The following GRIK4 variants were observed in gnomAD, a reference collection of about 807,000 sequenced individuals.
GRIK4 encodes glutamate receptor ionotropic, kainate 4.
A neutral mutation model predicts 104.9 loss-of-function variants in GRIK4; 40 were observed. The observed-to-expected ratio is 0.38, with a 90% CI of 0.30 to 0.50. GRIK4 has a LOEUF of 0.50. GRIK4 is among the 20% of genes least tolerant of loss of function. The probability of loss-of-function intolerance (pLI) is 0.93; values close to 1 mark genes in which losing one functional copy is unlikely to be tolerated. For missense variants in GRIK4, 1,047 were observed against 1,308.1 expected (o/e 0.80, Z 3.08); for synonymous variants, 485 against 524.9 (o/e 0.92, Z 1.04).
Position 120,985,971 on chromosome 11 carries a change from C to A in GRIK4, c.2582C>A (p.Pro861His). The change falls in exon 21 of 21, where the codon CCC becomes CAC. Residue 861 changes from proline (P) to histidine (H), a missense_variant. Pro to His is a moderately conservative substitution (Grantham distance 77). Around this residue, in one of 3 missense-constraint regions of GRIK4, gnomAD observed 440 missense variants for 652.3 expected, o/e 0.67. Coordinates refer to ENST00000527524, the MANE Select transcript of GRIK4 (RefSeq NM_014619.5). ...SIILCQDSIH[P>H]RRRRAAVPPP... is the part of the protein sequence containing the mutation. Reference sequence around the variant, plus strand: ...ATCCTGTGTCAGGACAGTATCCACCCCCGCCGGCGGCGCGCCGCAGTCCCG... The same window carrying A: ...ATCCTGTGTCAGGACAGTATCCACCACCGCCGGCGGCGCGCCGCAGTCCCG... The A allele has an allele frequency of 1.3e-6, 2 of 1,536,652 alleles. No individual in the cohort carries two copies. The highest frequency in any genetic ancestry group is 1.8e-6 in the Non-Finnish European group (2 of 1,141,758).
intron 3 of GRIK4, among the ~76,000 whole-genome samples, chr11:120,696,092 A>G (rs1950444708): frequency 6.6e-6 from 1 of 152,134 alleles, no homozygotes; most frequent in African/African-American, 2.4e-5. Context: ...TGGAGTAGGG[A>G]CCCTGGGAGT....
intron 1 of GRIK4, among the ~76,000 whole-genome samples, chr11:120,558,052 G>A (rs1438821500): frequency 1.4e-5 from 2 of 146,722 alleles, no homozygotes; most frequent in African/African-American, 2.5e-5. Context: ...AGAAGTAATC[G>A]ACAGTGGTCC....
At chr11:120,963,161 T>C (rs987404487) in intron 18 of GRIK4, among the ~76,000 whole-genome samples, 6 of 152,218 alleles carry the variant, frequency 3.9e-5, no homozygotes, top group African/African-American at 1.4e-4. Flanking sequence ...ACGGCCATGA[T>C]TAGATGGAAT....
At chr11:120,617,480 A>G (rs1158520409) in intron 1 of GRIK4, among the ~76,000 whole-genome samples, 2 of 152,130 alleles carry the variant, frequency 1.3e-5, no homozygotes, top group African/African-American at 2.4e-5. Context: ...CGCAGGCCCA[A>G]GTGATCCTCC....
intron 1 of GRIK4, among the ~76,000 whole-genome samples, chr11:120,564,107 A>T (rs1043261324): frequency 9.2e-5 from 14 of 152,196 alleles, no homozygotes; most frequent in African/African-American, 2.6e-4. Context: ...TGGCCTGAGG[A>T]AGGGCCCGGG....
Position 120,836,735 on chromosome 11 carries a change from T to A in GRIK4, c.691-56T>A, listed in dbSNP as rs1226338684. 1.3e-5 allele frequency: 15 copies of A among 1,160,856 alleles called. No individual in the cohort carries two copies. The African/African-American group carries it at 2.3e-4, about 17-fold the overall frequency. The allele number at this position is 1,160,856 out of a possible 1,614,324, so 71.9% of individuals were successfully genotyped here. A position where few individuals can be genotyped will look rare whatever the true frequency, so the allele number is the denominator to read the frequency against. ...AGACACTTGGAACCCCTACTGCTCA[T>A]TTGCTTCAAGTGAGTTTTTGTTTTC... On this transcript the variant is annotated intron_variant, in intron 7 of 20. Transcript: ENST00000527524.
intron 13 of GRIK4, among the ~76,000 whole-genome samples, chr11:120,929,308 C>T (rs77543349): frequency 0.045 from 6,814 of 152,142 alleles, 505 homozygotes; most frequent in African/African-American, 0.15. Flanking sequence ...AGGCATGTGA[C>T]GCTGAAGTCT....
chr11:120,902,634 C>A lies in GRIK4; in HGVS notation c.1273-2656C>A, dbSNP rs117932101. Among the ~76,000 whole-genome samples the A allele has an allele frequency of 1.3e-5, 2 of 152,130 alleles. No homozygotes were observed. Among genetic ancestry groups the A allele is most frequent in the South Asian group, 4.1e-4 (2 of 4,822 alleles). ...CCAGGTAGGGGAACCAAGCAGGTGA[C>A]GAGTCTGTCCCAGGACCCACTCCCA... On this transcript the variant is annotated intron_variant, in intron 12 of 20. Transcript: ENST00000527524. The surrounding 1 kb of genome is among the most constrained non-coding windows in gnomAD (Gnocchi z 4.5).
intron 1 of GRIK4, among the ~76,000 whole-genome samples, chr11:120,587,285 G>GC (rs1948678586): frequency 6.6e-6 from 1 of 152,074 alleles, no homozygotes; most frequent in Non-Finnish European, 1.5e-5. Context: ...CCTGGGGAAG[G>GC]CACCGCGGCC....
intron 8 of GRIK4, 73 bp from the exon 9 acceptor site, chr11:120,861,886 G>A (rs993844794): frequency 2.6e-6 from 3 of 1,147,810 alleles, no homozygotes; most frequent in Non-Finnish European, 3.9e-6. Flanking sequence ...ACCCAGATAT[G>A]CTTTACCAAA....
chr11:120,835,296 G>A (rs1180202461), intron 7 of GRIK4, among the ~76,000 whole-genome samples: 6 of 152,352 alleles, frequency 3.9e-5, no homozygotes, highest in Admixed American at 2.6e-4. Context: ...GGGAGGCCAA[G>A]GCAGGCAGAT....
intron 3 of GRIK4, among the ~76,000 whole-genome samples, chr11:120,760,155 C>A (rs1440427330): frequency 1.3e-5 from 2 of 151,770 alleles, no homozygotes; most frequent in African/African-American, 2.4e-5. Flanking sequence ...TCCCCCTTAT[C>A]CCCACCTGTG....
At chr11:120,586,629 G>A (rs1222772428) in intron 1 of GRIK4, among the ~76,000 whole-genome samples, 2 of 152,128 alleles carry the variant, frequency 1.3e-5, no homozygotes, top group Admixed American at 6.5e-5. Context: ...TGGACTCAGC[G>A]GTGCTTGGGA....
intron 6 of GRIK4, among the ~76,000 whole-genome samples, chr11:120,824,553 CTT>C (rs763907708): frequency 4.7e-5 from 6 of 128,866 alleles, no homozygotes; most frequent in Admixed American, 7.9e-5. Context: ...TTTTTCTTTT[CTT>C]TTTTTTTTTT....
chr11:120,717,489 GC>G (rs1295787364), intron 3 of GRIK4, among the ~76,000 whole-genome samples: 1 of 151,904 alleles, frequency 6.6e-6, no homozygotes, highest in African/African-American at 2.4e-5. Context: ...TTGCCATCCT[GC>G]CAACACACAT....
chr11:120,882,424 G>A (rs567309031), intron 11 of GRIK4, among the ~76,000 whole-genome samples: 22 of 152,318 alleles, frequency 1.4e-4, no homozygotes, highest in African/African-American at 5.1e-4. Context: ...CCAGCTCTCC[G>A]TCTGGGGAAC....
chr11:120,833,022 C>T (rs922456496), intron 7 of GRIK4, among the ~76,000 whole-genome samples: 1 of 152,134 alleles, frequency 6.6e-6, no homozygotes, highest in Admixed American at 6.5e-5. Context: ...CGAGGCTCCT[C>T]GTTAACCTCT....
At chr11:120,567,691 C>G (rs1398609412) in intron 1 of GRIK4, among the ~76,000 whole-genome samples, 2 of 152,160 alleles carry the variant, frequency 1.3e-5, no homozygotes, top group African/African-American at 2.4e-5. Flanking sequence ...AGAGACATCC[C>G]TGGCTACACT....
rs554590242 is a variant in GRIK4 at position 120,522,382 on chromosome 11, C to T, written c.-159+10495C>T. On this transcript the variant is annotated intron_variant, in intron 1 of 20. Coordinates refer to ENST00000527524, the MANE Select transcript of GRIK4 (RefSeq NM_014619.5). ...GGTTGCCCAGGCTGGAGTGCCGTGGCGCGACCTCAGCTCACTGCAACCTCC... is the reference window on the plus strand; with the variant it reads ...GGTTGCCCAGGCTGGAGTGCCGTGGTGCGACCTCAGCTCACTGCAACCTCC... Among the ~76,000 whole-genome samples, 11 of 152,024 alleles carry T rather than the reference C, an allele frequency of 7.2e-5. No individual in the cohort carries two copies. The East Asian group carries it at 9.7e-4, about 13-fold the overall frequency.
Sources: allele counts gnomAD v4.1 joint callset (sites outside exome capture counted in the v4.1 genomes callset), GRCh38; gene constraint gnomAD v4.1.1; regional missense constraint gnomAD v4.1.1; non-coding constraint Gnocchi (gnomAD v3.1); transcripts MANE v1.5; gene names NCBI Gene and HGNC (gene_info 2026-07-23, HGNC 2026-07-21).